ST7L: variants seen among roughly 807,000 people sequenced by gnomAD.
ST7L encodes the protein suppression of tumorigenicity 7 like, also known as suppressor of tumorigenicity 7 protein-like.
ST7L carries 57 observed loss-of-function variants against 72.5 expected under a neutral mutation model. That is an observed-to-expected ratio of 0.79 (90% confidence interval 0.64 to 0.98). The LOEUF is 0.98. Among genes scored for constraint, ST7L ranks in the 50% least tolerant of loss-of-function variants. ST7L has a pLI of 0.00. For synonymous variants in ST7L, 221 were observed against 240.9 expected (o/e 0.92, Z 0.77); for missense variants, 576 against 672.2 (o/e 0.86, Z 1.58).
Position 112,563,653 on chromosome 1 carries a change from C to T in ST7L, c.1246-7635G>A, listed in dbSNP as rs185372705. Among the ~76,000 whole-genome samples, 11 of 152,178 alleles carry T rather than the reference C, an allele frequency of 7.2e-5. No homozygotes were observed. In the East Asian group the frequency reaches 1.9e-3, roughly 27 times the overall value. ...AATGAGTAAAACAAGAGAATTTAGCCTGTTGCTTTTCACTAAAAATATAAT... is the reference window on the plus strand; with the variant it reads ...AATGAGTAAAACAAGAGAATTTAGCTTGTTGCTTTTCACTAAAAATATAAT... On this transcript the variant is annotated intron_variant, in intron 11 of 14. Transcript: ENST00000358039.
intron 14 of ST7L, among the ~76,000 whole-genome samples, chr1:112,531,256 C>CT (rs1295821611): frequency 1.3e-5 from 2 of 152,102 alleles, no homozygotes; most frequent in African/African-American, 4.8e-5. Flanking sequence ...GAGTGTAGAG[C>CT]TTTTGTCTAA....
At position 112,523,566 on chromosome 1, in the gene ST7L, C is replaced by A. The variant is rs1431053206; in HGVS notation, c.*2447G>T. The A allele has an allele frequency of 6.6e-6, 1 of 152,122 alleles. No homozygotes were observed. Among genetic ancestry groups the A allele is most frequent in the African/African-American group, 2.4e-5 (1 of 41,436 alleles). 9.4% of individuals were successfully genotyped at this position (152,122 alleles called of 1,614,324 possible). On this transcript the variant is annotated 3_prime_UTR_variant, in exon 15 of 15. Coordinates refer to ENST00000358039, the MANE Select transcript of ST7L (RefSeq NM_017744.5). ...AACTTTATTTGGTGCAGTCAGGGCT[C>A]CATTTAGTTCCCTCACTCTGCTTCT...
chr1:112,583,976 T>G lies in ST7L; in HGVS notation c.852A>C (p.Gln284His). 1 of 1,613,590 alleles carries G rather than the reference T, an allele frequency of 6.2e-7. No individual in the cohort carries two copies. Among genetic ancestry groups the G allele is most frequent in the Non-Finnish European group, 8.5e-7 (1 of 1,179,816 alleles). ...AACCAGTTCAAACTTGCTTACTCAG[T>G]TGAGCTTCATGCTGAGGACTTTGGT... is the stretch of plus-strand genomic sequence containing the variant. ...CQHQSPQHEA[Q>H]LRRDTNVLVY... is the part of the protein sequence containing the mutation. The change falls in exon 7 of 15, where the codon CAA (glutamine) becomes CAC (histidine). Residue 284 changes from glutamine to histidine, a missense_variant. This residue lies in a region of ST7L where 511 missense variants were observed against 600.7 expected (regional missense o/e 0.85). Coordinates refer to ENST00000358039, the MANE Select transcript of ST7L (RefSeq NM_017744.5).
chr1:112,532,466 T>C (rs17030459), intron 14 of ST7L, among the ~76,000 whole-genome samples: 10,635 of 152,302 alleles, frequency 0.07, 548 homozygotes, highest in Admixed American at 0.17. Context: ...AGACGAGAGC[T>C]GGCATGTTCC....
intron 14 of ST7L, among the ~76,000 whole-genome samples, chr1:112,541,204 A>C (rs1656038319): frequency 6.6e-6 from 1 of 151,974 alleles, no homozygotes; most frequent in Non-Finnish European, 1.5e-5. Context: ...AGGACTGTTG[A>C]ACCCAGGAGG....
rs139504184 is a variant in ST7L, at chr1:112,606,326, G to T, written c.451+4515C>A. The stretch of plus-strand genomic sequence containing the variant: ...TATAAGCAGTCAGAAGAAACTAAGT[G>T]GTGCCACTTTGCTTAGAAATCTCCT... On this transcript the variant is annotated intron_variant, in intron 3 of 14. Transcript: ENST00000358039. Among the ~76,000 whole-genome samples, 934 of 152,252 alleles carry T rather than the reference G, an allele frequency of 6.1e-3. 12 individuals are homozygous for T. Among genetic ancestry groups the T allele is most frequent in the African/African-American group, 0.021 (889 of 41,550 alleles).
At chr1:112,595,704 C>T (rs1216417998) in intron 5 of ST7L, among the ~76,000 whole-genome samples, 1 of 152,092 alleles carries the variant, frequency 6.6e-6, no homozygotes, top group Non-Finnish European at 1.5e-5. Flanking sequence ...CAGGCATAAG[C>T]CACTGTCCTT....
chr1:112,618,580 G>A (rs1670318658), intron 1 of ST7L, among the ~76,000 whole-genome samples: 1 of 152,156 alleles, frequency 6.6e-6, no homozygotes, highest in Admixed American at 6.5e-5. Context: ...CAGAGGTGGG[G>A]GAGCCAATAT....
chr1:112,534,974 T>C (rs992335856), intron 14 of ST7L, among the ~76,000 whole-genome samples: 9 of 152,210 alleles, frequency 5.9e-5, no homozygotes, highest in African/African-American at 2.2e-4. Context: ...AGAGCTTCTG[T>C]GAACCTCATA....
intron 12 of ST7L, among the ~76,000 whole-genome samples, chr1:112,554,066 G>A (rs441436): frequency 1.3e-5 from 2 of 152,272 alleles, no homozygotes; most frequent in Non-Finnish European, 1.5e-5. Flanking sequence ...ATGTTCTACA[G>A]CACTCTTGTG....
intron 10 of ST7L, among the ~76,000 whole-genome samples, chr1:112,577,853 C>A (rs1663390885): frequency 6.6e-6 from 1 of 152,048 alleles, no homozygotes; most frequent in Admixed American, 6.5e-5. Flanking sequence ...GAGTATCTTA[C>A]CTGCACAATA....
chr1:112,617,899 G>C, intron 1 of ST7L: 1 of 906,950 alleles, frequency 1.1e-6, no homozygotes, highest in Non-Finnish European at 1.5e-6. Flanking sequence ...ACCTGTTACA[G>C]AGATGCCAAA....
intron 14 of ST7L, chr1:112,540,606 T>C (rs77369880): frequency 0.028 from 27,744 of 985,370 alleles, 438 homozygotes; most frequent in Middle Eastern, 0.032. Context: ...CTTAACACAT[T>C]ATATGGTTGA....
intron 11 of ST7L, among the ~76,000 whole-genome samples, chr1:112,557,225 G>A (rs1171542643): frequency 1.3e-5 from 2 of 151,928 alleles, no homozygotes; most frequent in African/African-American, 4.8e-5. Context: ...AGAAAATCCT[G>A]TACCCTTTAG....
intron 3 of ST7L, among the ~76,000 whole-genome samples, chr1:112,604,224 G>T (rs1667851646): frequency 6.6e-6 from 1 of 152,066 alleles, no homozygotes; most frequent in African/African-American, 2.4e-5. Flanking sequence ...CACAAGAATT[G>T]CTTGAACTTG....
At position 112,542,747 on chromosome 1, in the gene ST7L, CTAAATAAATAAA is replaced by C. The variant is rs71081246; in HGVS notation, c.1490-669_1490-658del. Among the ~76,000 whole-genome samples the C allele has an allele frequency of 9.3e-3, 1,336 of 142,906 alleles. 15 individuals are homozygous for C. The highest frequency in any genetic ancestry group is 0.03 in the African/African-American group (1,161 of 38,358). The allele number at this position is 142,906 out of a possible 152,430, so 93.8% of individuals were successfully genotyped here. A position where few individuals can be genotyped will look rare whatever the true frequency, so the allele number is the denominator to read the frequency against. On this transcript the variant is annotated intron_variant, in intron 13 of 14. Transcript: ENST00000358039. ...TCCAGCCTGGGTGACAGACCTGTCTCTAAATAAATAAATAAATAAATAAATAAATAAATAAAT... is the reference window on the plus strand; with the variant it reads ...TCCAGCCTGGGTGACAGACCTGTCTCTAAATAAATAAATAAATAAATAAAT...
intron 3 of ST7L, among the ~76,000 whole-genome samples, chr1:112,605,629 T>G (rs1161227498): frequency 1.4e-5 from 2 of 147,450 alleles, no homozygotes; most frequent in African/African-American, 5.0e-5. Context: ...GGCAGAGGTT[T>G]CAGTGAGTCG....
chr1:112,592,759 T>C (rs1280787620), intron 5 of ST7L, among the ~76,000 whole-genome samples: 2 of 152,200 alleles, frequency 1.3e-5, no homozygotes, highest in Non-Finnish European at 2.9e-5. Context: ...CTAATTTATC[T>C]AACAAATTCC....
intron 11 of ST7L, among the ~76,000 whole-genome samples, chr1:112,575,271 T>A (rs2101813244): frequency 1.3e-5 from 2 of 152,196 alleles, no homozygotes; most frequent in African/African-American, 4.8e-5. Context: ...TCACTCCTTA[T>A]CCTCAGTACA....
Sources: allele counts gnomAD v4.1 joint callset (sites outside exome capture counted in the v4.1 genomes callset), GRCh38; gene constraint gnomAD v4.1.1; regional missense constraint gnomAD v4.1.1; transcripts MANE v1.5; gene names NCBI Gene and HGNC (gene_info 2026-07-23, HGNC 2026-07-21).